ITFG1: variants seen among roughly 807,000 people sequenced by gnomAD.
ITFG1 encodes T-cell immunomodulatory protein.
A neutral mutation model predicts 81.8 loss-of-function variants in ITFG1; 34 were observed. That is an observed-to-expected ratio of 0.42 (90% CI 0.32 to 0.55). ITFG1 has a LOEUF of 0.55. ITFG1 is among the 20% of genes least tolerant of loss of function. The pLI is 0.17. For synonymous variants in ITFG1, 285 were observed against 270.6 expected (o/e 1.05, Z -0.52); for missense variants, 672 against 755.4 (o/e 0.89, Z 1.29).
In ITFG1 at chr16:47,461,017, G is replaced by T. The variant is rs527980093; in HGVS notation, c.29C>A (p.Ser10Tyr). Reference sequence around the variant, plus strand: ...GAGGAGCGGCGAGAAGAGGGCCCAGGAGCTCGGGAGCCGGCCCGCCGCCGC... The same window carrying T: ...GAGGAGCGGCGAGAAGAGGGCCCAGTAGCTCGGGAGCCGGCCCGCCGCCGC... MAAAGRLPS[S>Y]WALFSPLLAG... Residue 10 changes from serine to tyrosine, a missense_variant, in exon 1 of 18, where the codon TCC becomes TAC. By Grantham distance (144) the Ser-to-Tyr change is moderately radical (BLOSUM62 -2). This residue lies in a region of ITFG1 where 47 missense variants were observed against 26.4 expected (regional missense o/e 1.78). Coordinates refer to ENST00000320640, the MANE Select transcript of ITFG1 (RefSeq NM_030790.5). 5.8e-6 allele frequency: 9 copies of T among 1,547,608 alleles called. No individual in the cohort carries two copies. In the Admixed American group the frequency reaches 1.6e-4, roughly 27 times the overall value.
intron 13 of ITFG1, among the ~76,000 whole-genome samples, chr16:47,228,076 A>G (rs1159552537): frequency 6.6e-6 from 1 of 152,138 alleles, no homozygotes; most frequent in African/African-American, 2.4e-5. Context: ...TTTCCCTCTG[A>G]CTAAGGTAAG....
rs140818900 is a variant in ITFG1, at chr16:47,400,372, G to GAC, written c.656-24434_656-24433dup. 4.9e-4 allele frequency among the ~76,000 whole-genome samples: 74 copies of GAC among 149,782 alleles called. 1 individual carries two copies. The highest frequency in any genetic ancestry group is 1.2e-3 in the East Asian group (6 of 5,104). ...CCACTGTACTCCAGCCTGGGTGACA[G>GAC]ACACACACACACACACACCACTAGA... is the stretch of plus-strand genomic sequence containing the variant. On this transcript the variant is annotated intron_variant, in intron 6 of 17. Coordinates refer to ENST00000320640, the MANE Select transcript of ITFG1 (RefSeq NM_030790.5).
chr16:47,442,552 A>G (rs994679542), intron 5 of ITFG1, among the ~76,000 whole-genome samples: 2 of 152,112 alleles, frequency 1.3e-5, no homozygotes, highest in Admixed American at 6.6e-5. Flanking sequence ...CCAAAACAGA[A>G]ATATAGACCA....
In ITFG1 at chr16:47,376,964, CA is replaced by C. The variant is rs1222007051; in HGVS notation, c.656-1025del. 6.0e-3 allele frequency among the ~76,000 whole-genome samples: 109 copies of C among 18,074 alleles called. 10 individuals carry two copies. Among genetic ancestry groups the C allele is most frequent in the East Asian group, 0.05 (17 of 338 alleles). The allele number at this position is 18,074 out of a possible 152,430, so 11.9% of individuals were successfully genotyped here. On this transcript the variant is annotated intron_variant, in intron 6 of 17. Transcript: ENST00000320640. Reference sequence around the variant, plus strand: ...GAGACAGAGGGAGACTCTGTCTCCCCAAAAAAAAAAAAAAAAAAAAAAAAAA... The same window carrying C: ...GAGACAGAGGGAGACTCTGTCTCCCCAAAAAAAAAAAAAAAAAAAAAAAAA...
chr16:47,419,295 G>A (rs532220445), intron 6 of ITFG1, among the ~76,000 whole-genome samples: 2 of 151,994 alleles, frequency 1.3e-5, no homozygotes, highest in Non-Finnish European at 2.9e-5. Flanking sequence ...TTGAGACAGG[G>A]TCTCACTCTG....
intron 5 of ITFG1, among the ~76,000 whole-genome samples, chr16:47,444,372 A>C (rs1472758232): frequency 1.3e-5 from 2 of 152,198 alleles, no homozygotes; most frequent in Non-Finnish European, 2.9e-5. Flanking sequence ...CTCTTCAGTA[A>C]ATTTATGTGC....
At chr16:47,420,891 T>G (rs144315107) in intron 6 of ITFG1, among the ~76,000 whole-genome samples, 31 of 152,294 alleles carry the variant, frequency 2.0e-4, no homozygotes, top group Non-Finnish European at 4.0e-4. Context: ...ACAGAGTCTA[T>G]CTCTGCCTTT....
chr16:47,269,235 T>C (rs572645833), intron 10 of ITFG1, among the ~76,000 whole-genome samples: 1 of 152,326 alleles, frequency 6.6e-6, no homozygotes, highest in Admixed American at 6.5e-5. Flanking sequence ...ATTTGCAAGT[T>C]ATATGGCCAT....
At chr16:47,179,506 G>A (rs1336267068) in intron 14 of ITFG1, among the ~76,000 whole-genome samples, 3 of 151,996 alleles carry the variant, frequency 2.0e-5, no homozygotes, top group African/African-American at 7.3e-5. Flanking sequence ...TATTGTGAGG[G>A]GATTGAAATG....
chr16:47,444,791 C>T (rs896891333), intron 5 of ITFG1, among the ~76,000 whole-genome samples: 1 of 152,072 alleles, frequency 6.6e-6, no homozygotes, highest in Non-Finnish European at 1.5e-5. Context: ...TTTTACCTTC[C>T]AAAATCACTT....
At chr16:47,431,413 G>A (rs1171883986) in intron 5 of ITFG1, among the ~76,000 whole-genome samples, 1 of 152,198 alleles carries the variant, frequency 6.6e-6, no homozygotes, top group Non-Finnish European at 1.5e-5. Flanking sequence ...CTCCTTATGA[G>A]AATCTAATGC....
chr16:47,207,788 T>TC (rs1965519314), intron 14 of ITFG1, among the ~76,000 whole-genome samples: 1 of 59,346 alleles, frequency 1.7e-5, no homozygotes, highest in Non-Finnish European at 3.6e-5. Context: ...CTCCCCACCC[T>TC]CCCGCCCCTT....
chr16:47,158,764 T>C, intron 17 of ITFG1, 109 bp downstream of exon 17: 1 of 546,578 alleles, frequency 1.8e-6, no homozygotes, highest in Non-Finnish European at 3.2e-6. Flanking sequence ...AATGATGAAA[T>C]TCTAGTCATA....
At chr16:47,263,894 T>C (rs1447390974) in intron 10 of ITFG1, among the ~76,000 whole-genome samples, 1 of 152,178 alleles carries the variant, frequency 6.6e-6, no homozygotes, top group East Asian at 1.9e-4. Flanking sequence ...TTCAGTTCTT[T>C]AAAATTCTAC....
At chr16:47,176,364 AT>A (rs758913745) in intron 14 of ITFG1, among the ~76,000 whole-genome samples, 46 of 150,420 alleles carry the variant, frequency 3.1e-4, no homozygotes, top group African/African-American at 9.0e-4. Context: ...ATAAAAGACA[AT>A]TTTTTTTTTG....
intron 10 of ITFG1, among the ~76,000 whole-genome samples, chr16:47,289,228 T>A (rs1966882755): frequency 6.6e-6 from 1 of 152,222 alleles, no homozygotes; most frequent in African/African-American, 2.4e-5. Flanking sequence ...ATGCTCTTTC[T>A]AATGTGCTGC....
intron 5 of ITFG1, among the ~76,000 whole-genome samples, chr16:47,447,268 A>G (rs189439014): frequency 2.6e-5 from 4 of 152,306 alleles, no homozygotes; most frequent in Admixed American, 6.5e-5. Context: ...ATTCCAATAA[A>G]AGGAAATGTT....
intron 1 of ITFG1, among the ~76,000 whole-genome samples, chr16:47,460,252 T>G (rs1212816688): frequency 6.6e-6 from 1 of 152,214 alleles, no homozygotes; most frequent in Non-Finnish European, 1.5e-5. Context: ...CAGTGGTCCC[T>G]GCAAAATGCT....
At chr16:47,438,145 G>C (rs1277107142) in intron 5 of ITFG1, among the ~76,000 whole-genome samples, 1 of 152,196 alleles carries the variant, frequency 6.6e-6, no homozygotes, top group African/African-American at 2.4e-5. Flanking sequence ...AGGGGCGCCT[G>C]CCATTGCTCA....
Sources: allele counts gnomAD v4.1 joint callset (sites outside exome capture counted in the v4.1 genomes callset), GRCh38; gene constraint gnomAD v4.1.1; regional missense constraint gnomAD v4.1.1; transcripts MANE v1.5; gene names NCBI Gene and HGNC (gene_info 2026-07-23, HGNC 2026-07-21).